Variants in PDE3A observed in about 807,000 individuals in gnomAD.
PDE3A encodes cGMP-inhibited 3',5'-cyclic phosphodiesterase 3A.
In PDE3A, 43 loss-of-function variants were observed where a neutral mutation model predicts 98.3. The observed-to-expected ratio is 0.44, with a 90% confidence interval of 0.34 to 0.56. The LOEUF is 0.56. PDE3A is among the 20% of genes least tolerant of loss of function. The pLI is 0.01. For missense variants in PDE3A, 1,427 were observed against 1,440.7 expected (o/e 0.99, Z 0.15); for synonymous variants, 663 against 567.9 (o/e 1.17, Z -2.38).
chr12:20,677,553 G>A (rs979890465), intron 15 of PDE3A, among the ~76,000 whole-genome samples: 12 of 152,048 alleles, frequency 7.9e-5, no homozygotes, highest in South Asian at 4.2e-4. Context: ...TCCGCCTCCC[G>A]GGTTCAAGCA....
chr12:20,481,266 A>G (rs1183911950), intron 1 of PDE3A, among the ~76,000 whole-genome samples: 1 of 152,202 alleles, frequency 6.6e-6, no homozygotes, highest in East Asian at 1.9e-4. Context: ...CCTTTCTTCT[A>G]AAGGTGACAT....
intron 2 of PDE3A, among the ~76,000 whole-genome samples, chr12:20,611,010 T>C (rs553312984): frequency 2.0e-5 from 3 of 151,994 alleles, no homozygotes; most frequent in Admixed American, 6.6e-5. Context: ...AATTGTATTG[T>C]ATTACAGATT....
intron 2 of PDE3A, among the ~76,000 whole-genome samples, chr12:20,573,236 G>A (rs552048735): frequency 6.6e-6 from 1 of 152,172 alleles, no homozygotes; most frequent in East Asian, 1.9e-4. Flanking sequence ...ATTGTGCTAA[G>A]TACTTTTTTC....
At chr12:20,438,659 C>G (rs950698242) in intron 1 of PDE3A, among the ~76,000 whole-genome samples, 1 of 152,110 alleles carries the variant, frequency 6.6e-6, no homozygotes, top group African/African-American at 2.4e-5. Flanking sequence ...TTTCCTCTGA[C>G]ACAACTAGAG....
chr12:20,634,712 T>C (rs1176699190), intron 7 of PDE3A, among the ~76,000 whole-genome samples, 190 bp from the exon 8 acceptor site: 1 of 152,210 alleles, frequency 6.6e-6, no homozygotes, highest in Non-Finnish European at 1.5e-5. Context: ...GATTATAATT[T>C]CCATCTGTTT....
At chr12:20,459,348 C>G (rs1945207852) in intron 1 of PDE3A, among the ~76,000 whole-genome samples, 2 of 152,066 alleles carry the variant, frequency 1.3e-5, no homozygotes, top group African/African-American at 4.8e-5. Context: ...ACTCCAAACC[C>G]CATGGTCCTC....
chr12:20,649,524 GCAGTA>G (rs1181325657), intron 13 of PDE3A, among the ~76,000 whole-genome samples: 2 of 152,130 alleles, frequency 1.3e-5, no homozygotes, highest in African/African-American at 4.8e-5. Flanking sequence ...TTATCTGGCA[GCAGTA>G]CAGATCAAAA....
rs955167665 is a variant in PDE3A at position 20,369,662 on chromosome 12, C to A, written c.378C>A (p.Leu126=). The part of the protein sequence containing the change: ...RGGAPGGGAR[L]SPWLQPSALL... ...GTGCTCCCGGGGGCGGTGCGCGGCT[C>A]AGCCCCTGGCTGCAGCCCTCGGCGC... Residue 126 remains leucine, a synonymous_variant, in exon 1 of 16, where the codon CTC becomes CTA. Transcript: ENST00000359062. 78 of 1,605,370 alleles carry A rather than the reference C, an allele frequency of 4.9e-5. No homozygotes were observed. The highest frequency in any genetic ancestry group is 6.6e-5 in the Non-Finnish European group (78 of 1,176,818).
intron 2 of PDE3A, among the ~76,000 whole-genome samples, chr12:20,603,661 T>C (rs1248948082): frequency 1.3e-5 from 2 of 152,164 alleles, no homozygotes; most frequent in Admixed American, 1.3e-4. Context: ...AACACCCACG[T>C]GCACAACATA....
chr12:20,575,626 T>C (rs1196444836), intron 2 of PDE3A, among the ~76,000 whole-genome samples: 1 of 152,008 alleles, frequency 6.6e-6, no homozygotes, highest in Non-Finnish European at 1.5e-5. Context: ...TATTACTCTC[T>C]AAGATTGTTT....
At chr12:20,386,918 A>G (rs563296744) in intron 1 of PDE3A, among the ~76,000 whole-genome samples, 10 of 152,122 alleles carry the variant, frequency 6.6e-5, no homozygotes, top group Non-Finnish European at 1.5e-4. Flanking sequence ...TTTGCATTTA[A>G]GTCTTTAATC....
At chr12:20,664,079 G>A (rs929285448) in intron 15 of PDE3A, among the ~76,000 whole-genome samples, 2 of 152,006 alleles carry the variant, frequency 1.3e-5, no homozygotes, top group African/African-American at 4.8e-5. Flanking sequence ...CCCTTTGCTT[G>A]GCACTTCTCT....
chr12:20,470,850 A>G (rs1591965623), intron 1 of PDE3A, among the ~76,000 whole-genome samples: 1 of 152,074 alleles, frequency 6.6e-6, no homozygotes, highest in African/African-American at 2.4e-5. Context: ...TTTGGCAGGC[A>G]GTTAGGTGTA....
chr12:20,553,465 A>C (rs1020940994), intron 1 of PDE3A, among the ~76,000 whole-genome samples: 1 of 127,434 alleles, frequency 7.8e-6, no homozygotes, highest in Non-Finnish European at 1.6e-5. Flanking sequence ...TGTCATCTAA[A>C]GTCCAGTGAC....
chr12:20,434,670 A>G (rs1159980746), intron 1 of PDE3A, among the ~76,000 whole-genome samples: 2 of 152,162 alleles, frequency 1.3e-5, no homozygotes. Context: ...AACTATGTTT[A>G]TTTCATGAAA....
intron 1 of PDE3A, among the ~76,000 whole-genome samples, chr12:20,502,783 AC>A (rs1381712510): frequency 6.6e-6 from 1 of 152,162 alleles, no homozygotes; most frequent in Non-Finnish European, 1.5e-5. Context: ...GGAAATAAAT[AC>A]CAGAATCACA....
At chr12:20,374,259 T>G (rs1369518441) in intron 1 of PDE3A, among the ~76,000 whole-genome samples, 1 of 152,120 alleles carries the variant, frequency 6.6e-6, no homozygotes. Flanking sequence ...ATACAGATAT[T>G]TAAAGCATAC....
intron 1 of PDE3A, among the ~76,000 whole-genome samples, chr12:20,380,277 T>C (rs542335671): frequency 3.9e-5 from 6 of 152,022 alleles, no homozygotes; most frequent in East Asian, 1.9e-4. Context: ...CATTGTGAAA[T>C]TGACTTTTTA....
chr12:20,673,092 T>C (rs1237765458), intron 15 of PDE3A, among the ~76,000 whole-genome samples: 2 of 151,174 alleles, frequency 1.3e-5, no homozygotes, highest in African/African-American at 4.8e-5. Context: ...AAAAAACACA[T>C]GAAAAAATGC....
Sources: gnomAD v4.1 joint callset for allele counts (sites outside exome capture counted in the v4.1 genomes callset) on GRCh38, gnomAD v4.1.1 for gene constraint, MANE v1.5 for transcripts, NCBI Gene and HGNC (gene_info 2026-07-23, HGNC 2026-07-21) for gene names.